The following DPY19L1 variants were observed in gnomAD, a reference collection of about 807,000 sequenced individuals.
DPY19L1 encodes the protein dpy-19 like C-mannosyltransferase 1.
DPY19L1 carries 35 observed loss-of-function variants against 96.9 expected under a neutral mutation model. That is an observed-to-expected ratio of 0.36 (90% CI 0.28 to 0.48). The LOEUF (loss-of-function observed/expected upper bound fraction) is 0.48. Among genes scored for constraint, DPY19L1 ranks in the 20% least tolerant of loss-of-function variants. The probability of loss-of-function intolerance (pLI) is 0.99; values close to 1 mark genes in which losing one functional copy is unlikely to be tolerated. For synonymous variants in DPY19L1, 205 were observed against 252.6 expected (o/e 0.81, Z 1.79); for missense variants, 521 against 777.9 (o/e 0.67, Z 3.93).
intron 7 of DPY19L1, among the ~76,000 whole-genome samples, chr7:34,985,907 T>C (rs1327871930): frequency 6.6e-6 from 1 of 151,942 alleles, no homozygotes. Flanking sequence ...GAAGCAACCC[T>C]AAGTGTCCAT....
At chr7:35,006,804 C>A (rs533855078) in intron 6 of DPY19L1, among the ~76,000 whole-genome samples, 1 of 152,070 alleles carries the variant, frequency 6.6e-6, no homozygotes. Context: ...CCATTTCTGG[C>A]GAAATGGACT....
intron 13 of DPY19L1, among the ~76,000 whole-genome samples, chr7:34,953,679 T>C (rs2128785512): frequency 6.6e-6 from 1 of 151,080 alleles, no homozygotes; most frequent in Admixed American, 6.7e-5. Context: ...TCTAGCATAC[T>C]TTCCACTGTC....
intron 11 of DPY19L1, among the ~76,000 whole-genome samples, chr7:34,957,580 C>G (rs1430918952): frequency 4.0e-5 from 6 of 151,684 alleles, no homozygotes; most frequent in Non-Finnish European, 8.8e-5. Flanking sequence ...TACAAGTAGA[C>G]AAGGGGCAAA....
chr7:34,937,551 T>C (rs1393909368), intron 21 of DPY19L1, among the ~76,000 whole-genome samples: 2 of 152,198 alleles, frequency 1.3e-5, no homozygotes, highest in East Asian at 1.9e-4. Flanking sequence ...ATAAAATCTC[T>C]TTAAGGTAGT....
intron 10 of DPY19L1, among the ~76,000 whole-genome samples, chr7:34,962,937 G>GT (rs1259694132): frequency 1.3e-5 from 2 of 152,092 alleles, no homozygotes; most frequent in African/African-American, 4.8e-5. Context: ...GCTCATGCCT[G>GT]TAATCCCAGC....
At chr7:34,972,933 T>C (rs939012996) in intron 8 of DPY19L1, among the ~76,000 whole-genome samples, 1 of 152,238 alleles carries the variant, frequency 6.6e-6, no homozygotes, top group African/African-American at 2.4e-5. Context: ...CCCAAAGGGT[T>C]TGGCATAACA....
In DPY19L1 at chr7:34,941,759, T is replaced by C. The variant is rs369084441; in HGVS notation, c.1689+6A>G. ...ATAGTAGCTATACTCCAACATAACATGTTACCTGTCTTGAGCAGATCAGTG... is the reference window on the plus strand; with the variant it reads ...ATAGTAGCTATACTCCAACATAACACGTTACCTGTCTTGAGCAGATCAGTG... On this transcript the variant is annotated splice_donor_region_variant and intron_variant, in intron 18 of 21. Coordinates refer to ENST00000638088, the MANE Select transcript of DPY19L1 (RefSeq NM_001366673.1). The C allele has an allele frequency of 8.1e-6, 13 of 1,597,766 alleles. No homozygotes were observed. Among genetic ancestry groups the C allele is most frequent in the Non-Finnish European group, 1.0e-5 (12 of 1,176,150 alleles).
At chr7:34,940,870 T>C (rs781672477) in intron 18 of DPY19L1, 3 of 153,994 alleles carry the variant, frequency 1.9e-5, no homozygotes, top group Non-Finnish European at 4.4e-5. Flanking sequence ...AGACTCAAGA[T>C]TAAAGGCTTC....
intron 21 of DPY19L1, among the ~76,000 whole-genome samples, chr7:34,934,281 C>A (rs564257362): frequency 6.6e-6 from 1 of 152,244 alleles, no homozygotes; most frequent in African/African-American, 2.4e-5. Flanking sequence ...CCTATTAGTT[C>A]TGTCCCTCTG....
chr7:34,952,814 C>G (rs1455142347), intron 13 of DPY19L1, among the ~76,000 whole-genome samples: 1 of 151,702 alleles, frequency 6.6e-6, no homozygotes. Flanking sequence ...TAAAATTGGA[C>G]AAAATTATAA....
intron 13 of DPY19L1, among the ~76,000 whole-genome samples, chr7:34,952,984 C>T (rs1391963132): frequency 6.6e-6 from 1 of 152,146 alleles, no homozygotes; most frequent in Admixed American, 6.5e-5. Flanking sequence ...ACCCCCATCT[C>T]CCCCATACTG....
Position 34,954,704 on chromosome 7 carries a change from T to C in DPY19L1, c.1314A>G (p.Ala438=). 5.2e-6 allele frequency: 8 copies of C among 1,545,694 alleles called. No individual in the cohort carries two copies. The highest frequency in any genetic ancestry group is 7.1e-6 in the Non-Finnish European group (8 of 1,130,286). ...KYLTSKIFGI[A]DDAHIGNLLT... ...AAGTAAAAAATGCACTTACGTCATC[T>C]GCAATACCAAAAATTTTAGATGTCA... Residue 438 remains alanine, a synonymous_variant, in exon 13 of 22, where the codon GCA becomes GCG. Transcript: ENST00000638088.
At chr7:35,016,569 T>G (rs1785853012) in intron 3 of DPY19L1, among the ~76,000 whole-genome samples, 1 of 152,132 alleles carries the variant, frequency 6.6e-6, no homozygotes, top group African/African-American at 2.4e-5. Context: ...TACCACAGTT[T>G]GAGAAGGATA....
At chr7:34,931,752 T>C in intron 21 of DPY19L1, 23 bp from the exon 22 acceptor site, 1 of 1,574,678 alleles carries the variant, frequency 6.4e-7, no homozygotes, top group Non-Finnish European at 8.6e-7. Flanking sequence ...ATGTACATGT[T>C]AAAAATCAAT....
intron 7 of DPY19L1, among the ~76,000 whole-genome samples, chr7:34,974,697 A>T (rs567013438): frequency 3.9e-5 from 6 of 152,202 alleles, no homozygotes; most frequent in Non-Finnish European, 7.4e-5. Flanking sequence ...AGTAAGATAC[A>T]TGGGCAAACT....
At chr7:34,975,587 T>C (rs1450915796) in intron 7 of DPY19L1, among the ~76,000 whole-genome samples, 2 of 152,204 alleles carry the variant, frequency 1.3e-5, no homozygotes, top group Admixed American at 1.3e-4. Flanking sequence ...GGTAGGTTGC[T>C]GCACTAAACA....
intron 6 of DPY19L1, among the ~76,000 whole-genome samples, chr7:34,999,114 G>A (rs575307262): frequency 6.6e-6 from 1 of 152,284 alleles, no homozygotes; most frequent in African/African-American, 2.4e-5. Flanking sequence ...TAAGTGCCCA[G>A]ATAGAGCGCA....
At chr7:34,955,224 T>C (rs894042024) in intron 12 of DPY19L1, 84 bp downstream of exon 12, 1 of 1,520,474 alleles carries the variant, frequency 6.6e-7, no homozygotes, top group Non-Finnish European at 9.0e-7. Flanking sequence ...GTTGCATAGA[T>C]CATTTTCTTA....
rs1162569524 is a variant in DPY19L1 at position 35,013,685 on chromosome 7, G to A, written c.432C>T (p.Phe144=). The change falls in exon 4 of 22, where the codon TTC becomes TTT. Residue 144 remains phenylalanine, a synonymous_variant. Coordinates refer to ENST00000638088, the MANE Select transcript of DPY19L1 (RefSeq NM_001366673.1). ...RTEMGLYYSY[F]KTIVEAPSFL... ...ATGAGGGTGCTTCCACAATAGTCTTGAAATAGGAATAATATAGTCCCTGAA... is the reference window on the plus strand; with the variant it reads ...ATGAGGGTGCTTCCACAATAGTCTTAAAATAGGAATAATATAGTCCCTGAA... The A allele has an allele frequency of 1.2e-6, 2 of 1,602,412 alleles. No individual in the cohort carries two copies. The highest frequency in any genetic ancestry group is 2.2e-5 in the South Asian group (2 of 89,804).
Sources: gnomAD v4.1 joint callset for allele counts (sites outside exome capture counted in the v4.1 genomes callset) on GRCh38, gnomAD v4.1.1 for gene constraint, MANE v1.5 for transcripts, NCBI Gene and HGNC (gene_info 2026-07-23, HGNC 2026-07-21) for gene names.